Variants in KCNQ3 observed in about 807,000 individuals in gnomAD.
The protein encoded by KCNQ3 is potassium voltage-gated channel subfamily KQT member 3.
In KCNQ3, 30 loss-of-function variants were observed where a neutral mutation model predicts 92.5. That is an observed-to-expected ratio of 0.32 (90% CI 0.24 to 0.44). The LOEUF is 0.44. KCNQ3 is among the 20% of genes least tolerant of loss of function. The pLI is 1.00. For synonymous variants in KCNQ3, 450 were observed against 468.8 expected (o/e 0.96, Z 0.52); for missense variants, 913 against 1,140.3 (o/e 0.80, Z 2.87).
At chr8:132,301,376 C>G (rs1160761876) in intron 1 of KCNQ3, among the ~76,000 whole-genome samples, 2 of 152,286 alleles carry the variant, frequency 1.3e-5, no homozygotes, top group East Asian at 3.9e-4. Context: ...CCCTGCCTGT[C>G]ATACCTTCTT....
chr8:132,386,699 T>C (rs531992750), intron 1 of KCNQ3, among the ~76,000 whole-genome samples: 8 of 152,334 alleles, frequency 5.3e-5, no homozygotes, highest in Admixed American at 2.0e-4. Flanking sequence ...ACTGGATCAA[T>C]TGCCAACTGG....
rs1007655356 is a variant in KCNQ3, at chr8:132,472,725, T to C, written c.386+7422A>G. Among the ~76,000 whole-genome samples the C allele has an allele frequency of 4.1e-4, 63 of 152,186 alleles. 2 individuals are homozygous for C. The highest frequency in any genetic ancestry group is 1.3e-3 in the African/African-American group (52 of 41,446). On this transcript the variant is annotated intron_variant, in intron 1 of 14. Coordinates refer to ENST00000388996, the MANE Select transcript of KCNQ3 (RefSeq NM_004519.4). ...GAAGGGTGACCATAGTTAACAACAA[T>C]GTATTGTATAATTCAAAACAGCTAA...
intron 1 of KCNQ3, among the ~76,000 whole-genome samples, chr8:132,476,593 T>C (rs992359477): frequency 2.6e-5 from 4 of 152,240 alleles, no homozygotes; most frequent in Non-Finnish European, 4.4e-5. Flanking sequence ...TGTGGCCCAT[T>C]TGTTTTGGCC....
intron 1 of KCNQ3, among the ~76,000 whole-genome samples, chr8:132,400,928 T>A (rs1820315469): frequency 6.6e-6 from 1 of 152,222 alleles, no homozygotes; most frequent in Non-Finnish European, 1.5e-5. Flanking sequence ...AGGGAGCCTG[T>A]CCAGGCCCCT....
rs1026350886 is a variant in KCNQ3, at chr8:132,288,391, C to T, written c.387-102210G>A. ...ATTTTGCCTTTGATCTTGTAAAAGT[C>T]ATTTCTCAATATTGGCTTCCTTTAG... On this transcript the variant is annotated intron_variant, in intron 1 of 14. Coordinates refer to ENST00000388996, the MANE Select transcript of KCNQ3 (RefSeq NM_004519.4). Among the ~76,000 whole-genome samples the T allele has an allele frequency of 2.0e-5, 3 of 152,176 alleles. No homozygotes were observed. In the East Asian group the frequency reaches 5.8e-4, roughly 29 times the overall value.
At position 132,163,558 on chromosome 8, in the gene KCNQ3, G is replaced by A. The variant is rs17653354; in HGVS notation, c.1236-64C>T. 82,256 of 1,312,784 alleles carry A rather than the reference G, an allele frequency of 0.063. 2,980 individuals carry two copies. The highest frequency in any genetic ancestry group is 0.073 in the Non-Finnish European group (66,264 of 906,292). The allele number at this position is 1,312,784 out of a possible 1,614,324, so 81.3% of individuals were successfully genotyped here. On this transcript the variant is annotated intron_variant, in intron 8 of 14. Transcript: ENST00000388996. ...ACGTGAAACAGCTGTATCCTTCCTC[G>A]AAAGATTGCTGCAAAGCTTCTCTCT...
At chr8:132,185,500 T>C (rs186942042) in intron 2 of KCNQ3, among the ~76,000 whole-genome samples, 73 of 152,380 alleles carry the variant, frequency 4.8e-4, no homozygotes, top group African/African-American at 1.7e-3. Context: ...GCTGCTCATC[T>C]GACCTTACAT....
At position 132,233,982 on chromosome 8, in the gene KCNQ3, C is replaced by G. The variant is rs113096270; in HGVS notation, c.387-47801G>C. ...TGAACACATAATTTATTGTCCAAAC[C>G]AGACCACTTTGAACAGTGAAAGGAG... On this transcript the variant is annotated intron_variant, in intron 1 of 14. Transcript: ENST00000388996. Among the ~76,000 whole-genome samples the G allele has an allele frequency of 7.5e-3, 1,142 of 152,226 alleles. 11 individuals carry two copies. Among genetic ancestry groups the G allele is most frequent in the African/African-American group, 0.025 (1,025 of 41,536 alleles).
intron 1 of KCNQ3, among the ~76,000 whole-genome samples, chr8:132,325,485 T>C (rs755232849): frequency 7.2e-5 from 11 of 152,152 alleles, no homozygotes; most frequent in Non-Finnish European, 1.5e-4. Context: ...TATCTGGAGA[T>C]AGGGTTTCTA....
At chr8:132,310,624 GGGCACCACAGGT>G (rs1421436654) in intron 1 of KCNQ3, among the ~76,000 whole-genome samples, 6 of 152,194 alleles carry the variant, frequency 3.9e-5, no homozygotes, top group South Asian at 2.1e-4. Context: ...ATGTGGGCCT[GGGCACCACAGGT>G]GGCACCACAG....
chr8:132,192,556 A>C (rs141252542), intron 1 of KCNQ3, among the ~76,000 whole-genome samples: 2 of 151,908 alleles, frequency 1.3e-5, no homozygotes, highest in African/African-American at 4.8e-5. Flanking sequence ...CTCTCTCTAC[A>C]TTCTCACCAA....
At chr8:132,130,368 C>T (rs542691649) in intron 14 of KCNQ3, among the ~76,000 whole-genome samples, 100 of 152,262 alleles carry the variant, frequency 6.6e-4, no homozygotes, top group Non-Finnish European at 1.3e-3. Context: ...TGAACCACCG[C>T]GCCTGACCGG....
rs1409461670 is a variant in KCNQ3, at chr8:132,431,323, G to A, written c.386+48824C>T. The stretch of plus-strand genomic sequence containing the variant: ...TCACATTGTCCCACAGGATCTGGAG[G>A]CACTGGGGATGGTAAGAGTGAGTCT... On this transcript the variant is annotated intron_variant, in intron 1 of 14. Coordinates refer to ENST00000388996, the MANE Select transcript of KCNQ3 (RefSeq NM_004519.4). Among the ~76,000 whole-genome samples, 7 of 152,200 alleles carry A rather than the reference G, an allele frequency of 4.6e-5. 1 individual carries two copies. Among genetic ancestry groups the A allele is most frequent in the Admixed American group, 4.6e-4 (7 of 15,282 alleles).
At chr8:132,170,140 T>C (rs1019560342) in intron 8 of KCNQ3, among the ~76,000 whole-genome samples, 194 bp downstream of exon 8, 2 of 152,156 alleles carry the variant, frequency 1.3e-5, no homozygotes, top group Non-Finnish European at 2.9e-5. Flanking sequence ...CCCAAAGTGC[T>C]GGGATTATGG....
chr8:132,129,271 C>T lies in KCNQ3; in HGVS notation c.2610G>A (p.Lys870=), dbSNP rs562384890. The T allele has an allele frequency of 1.2e-6, 2 of 1,611,808 alleles. No individual in the cohort carries two copies. Among genetic ancestry groups the T allele is most frequent in the East Asian group, 2.2e-5 (1 of 44,880 alleles). ...CAGCCAGTGACCTCTTTTAAATGGG[C>T]TTATTGGAAGGGGTCCATACTGAAT... ...ISDSVWTPSN[K]PI Residue 870 remains lysine (K), a synonymous_variant, in exon 15 of 15, where the codon AAG becomes AAA. Coordinates refer to ENST00000388996, the MANE Select transcript of KCNQ3 (RefSeq NM_004519.4). The surrounding 1 kb of genome is among the most constrained non-coding windows in gnomAD (Gnocchi z 5.9).
intron 1 of KCNQ3, among the ~76,000 whole-genome samples, chr8:132,399,543 C>T (rs558355456): frequency 6.6e-6 from 1 of 152,228 alleles, no homozygotes; most frequent in South Asian, 2.1e-4. Context: ...AAAATAAACC[C>T]TATGATTTGT....
chr8:132,124,841 G>C lies in KCNQ3; in HGVS notation c.*4421C>G, dbSNP rs1218245469. 1 of 152,198 alleles carries C rather than the reference G, an allele frequency of 6.6e-6. No individual in the cohort carries two copies. Among genetic ancestry groups the C allele is most frequent in the Non-Finnish European group, 1.5e-5 (1 of 68,046 alleles). The allele number at this position is 152,198 out of a possible 1,614,324, so 9.4% of individuals were successfully genotyped here. A position where few individuals can be genotyped will look rare whatever the true frequency, so the allele number is the denominator to read the frequency against. On this transcript the variant is annotated 3_prime_UTR_variant, in exon 15 of 15. Coordinates refer to ENST00000388996, the MANE Select transcript of KCNQ3 (RefSeq NM_004519.4). ...ATGAAAACCAAATACCAGCTATGTG[G>C]CATCTTCTGGGAAAGCACAGGGGTG...
chr8:132,264,520 C>A (rs1431556651), intron 1 of KCNQ3, among the ~76,000 whole-genome samples: 1 of 152,226 alleles, frequency 6.6e-6, no homozygotes, highest in Non-Finnish European at 1.5e-5. Flanking sequence ...AGAAATGGAA[C>A]TTTCAGACAG....
chr8:132,389,457 C>T (rs1050108378), intron 1 of KCNQ3, among the ~76,000 whole-genome samples: 1 of 152,142 alleles, frequency 6.6e-6, no homozygotes, highest in Non-Finnish European at 1.5e-5. Context: ...CAAACAAAAA[C>T]CTTTGTTCAT....
Sources: gnomAD v4.1 joint callset for allele counts (sites outside exome capture counted in the v4.1 genomes callset) on GRCh38, gnomAD v4.1.1 for gene constraint, Gnocchi (gnomAD v3.1) non-coding constraint, MANE v1.5 for transcripts, NCBI Gene and HGNC (gene_info 2026-07-23, HGNC 2026-07-21) for gene names.